The following FGF13 variants were observed in gnomAD, a reference collection of about 807,000 sequenced individuals.
FGF13 encodes the protein fibroblast growth factor 13.
A neutral mutation model predicts 19.5 loss-of-function variants in FGF13; 2 were observed. That is an observed-to-expected ratio of 0.10 (90% confidence interval 0.04 to 0.32). The LOEUF (loss-of-function observed/expected upper bound fraction) is 0.32, where lower values mean the gene tolerates loss of function less well. FGF13 is among the 10% of genes least tolerant of loss of function. The pLI is 1.00. For missense variants in FGF13, 113 were observed against 192.7 expected (o/e 0.59, Z 2.45); for synonymous variants, 72 against 76.9 (o/e 0.94, Z 0.33).
chrX:138,741,622 T>C (rs867178173), upstream of FGF13, among the ~76,000 whole-genome samples: 1 of 110,731 alleles, frequency 9.0e-6, no homozygotes, highest in African/African-American at 3.3e-5. Context: ...GAGTGGCTGG[T>C]CTTGGTCAGG....
intron 1 of FGF13, among the ~76,000 whole-genome samples, chrX:138,993,523 A>G (rs2092027839): frequency 1.8e-5 from 2 of 111,786 alleles, no homozygotes; most frequent in Admixed American, 1.9e-4. Flanking sequence ...TGCTTAATGA[A>G]AACGTATCTC....
chrX:139,005,350 T>C (rs2092096694), intron 1 of FGF13, among the ~76,000 whole-genome samples: 1 of 111,762 alleles, frequency 8.9e-6, no homozygotes, highest in East Asian at 2.8e-4. Flanking sequence ...TTCTAGAAGT[T>C]GGCAAGAACT....
At chrX:139,111,940 T>G (rs1252065369) in intron 1 of FGF13, among the ~76,000 whole-genome samples, 1 of 112,106 alleles carries the variant, frequency 8.9e-6, no homozygotes, top group Non-Finnish European at 1.9e-5. Flanking sequence ...GGGCTGTTTC[T>G]ATGTGGAAAA....
At position 138,885,702 on chromosome X, in the gene FGF13, C is replaced by T. The variant is rs181417126; in HGVS notation, c.-112-21052G>A. ...TCTTCTCCATGAGGGCTTCTCTAAC[C>T]CCCCCCGCCAATACTACCACCCATT... On this transcript the variant is annotated intron_variant, in intron 1 of 2. Transcript: ENST00000421460. Among the ~76,000 whole-genome samples, 235 of 107,589 alleles carry T rather than the reference C, an allele frequency of 2.2e-3. 2 individuals carry two copies. The highest frequency in any genetic ancestry group is 7.7e-3 in the African/African-American group (226 of 29,464). The allele number at this position is 107,589 out of a possible 115,157, so 93.4% of individuals were successfully genotyped here. A position where few individuals can be genotyped will look rare whatever the true frequency, so the allele number is the denominator to read the frequency against.
chrX:138,768,701 T>C (rs1229762160), intron 3 of FGF13, among the ~76,000 whole-genome samples: 1 of 98,752 alleles, frequency 1.0e-5, no homozygotes, highest in Non-Finnish European at 2.0e-5. Flanking sequence ...TAAGTATATA[T>C]TATATATATA....
chrX:138,715,131 C>T (rs2090089550), upstream of FGF13, among the ~76,000 whole-genome samples: 1 of 111,951 alleles, frequency 8.9e-6, no homozygotes, highest in Non-Finnish European at 1.9e-5. Flanking sequence ...CACGTGTCCG[C>T]TCTCCCATTG....
At chrX:138,851,868 A>C (rs186384480) in intron 3 of FGF13, among the ~76,000 whole-genome samples, 1 of 112,151 alleles carries the variant, frequency 8.9e-6, no homozygotes, top group East Asian at 2.8e-4. Context: ...ACTTCAGCAA[A>C]GTCTCAGGAT....
upstream of FGF13, among the ~76,000 whole-genome samples, chrX:138,712,428 CCT>C (rs1216155568): frequency 1.8e-5 from 2 of 111,378 alleles, no homozygotes; most frequent in Non-Finnish European, 3.8e-5. Context: ...CAGAGTCGAA[CCT>C]CTCTATTTAA....
intron 1 of FGF13, among the ~76,000 whole-genome samples, chrX:138,898,088 C>A (rs2091512929): frequency 9.0e-6 from 1 of 111,067 alleles, no homozygotes; most frequent in Non-Finnish European, 1.9e-5. Context: ...GGATCTTTCT[C>A]CCGCTACAAG....
At chrX:138,980,886 T>C (rs748320028) in intron 1 of FGF13, among the ~76,000 whole-genome samples, 1 of 110,871 alleles carries the variant, frequency 9.0e-6, no homozygotes, top group East Asian at 2.8e-4. Flanking sequence ...ACAGAGAAGA[T>C]AAATAGGAGG....
In FGF13 at chrX:138,627,375, C is replaced by T. The variant is rs1341830736; in HGVS notation, c.*5475G>A. The T allele has an allele frequency of 2.7e-5, 3 of 111,655 alleles. No homozygotes were observed. The highest frequency in any genetic ancestry group is 9.6e-5 in the Admixed American group (1 of 10,418). The allele number at this position is 111,655 out of a possible 1,213,427, so 9.2% of individuals were successfully genotyped here. A position where few individuals can be genotyped will look rare whatever the true frequency, so the allele number is the denominator to read the frequency against. ...ATTATTAAGAGCGTACACATTATTACAGTACAAAATATGTAGATATGCTAA... is the reference window on the plus strand; with the variant it reads ...ATTATTAAGAGCGTACACATTATTATAGTACAAAATATGTAGATATGCTAA... On this transcript the variant is annotated 3_prime_UTR_variant, in exon 5 of 5. Transcript: ENST00000315930.
At chrX:138,723,570 G>A (rs750417009) in intron 1 of FGF13, among the ~76,000 whole-genome samples, 2 of 111,197 alleles carry the variant, frequency 1.8e-5, no homozygotes, top group Admixed American at 1.9e-4. Context: ...GCGATGCGTG[G>A]AATTCATGAA....
chrX:139,175,947 T>C (rs754190953), intron 1 of FGF13, among the ~76,000 whole-genome samples: 3 of 111,948 alleles, frequency 2.7e-5, no homozygotes, highest in Admixed American at 9.5e-5. Flanking sequence ...CCTCTTTTTC[T>C]ATTGTTTGGA....
intron 1 of FGF13, among the ~76,000 whole-genome samples, chrX:139,164,106 T>TTTA (rs1234090758): frequency 4.7e-5 from 5 of 107,014 alleles, no homozygotes; most frequent in Non-Finnish European, 9.7e-5. Flanking sequence ...TTTTTTTTTT[T>TTTA]TTATTATTAT....
intron 1 of FGF13, among the ~76,000 whole-genome samples, chrX:139,055,480 C>T (rs988847108): frequency 1.2e-4 from 14 of 112,371 alleles, no homozygotes; most frequent in African/African-American, 3.2e-4. Context: ...GGGTGTGGCA[C>T]CCATGGAGTG....
chrX:138,865,913 C>G (rs993380768), intron 1 of FGF13, among the ~76,000 whole-genome samples: 1 of 111,558 alleles, frequency 9.0e-6, no homozygotes, highest in Non-Finnish European at 1.9e-5. Context: ...CCCTCCTTAC[C>G]AGCTCCCCAC....
chrX:138,893,595 T>G (rs1217177847), intron 1 of FGF13, among the ~76,000 whole-genome samples: 1 of 111,028 alleles, frequency 9.0e-6, no homozygotes. Context: ...AGTTGAGCTT[T>G]TTGTCCGAGA....
At chrX:139,101,622 T>C (rs903867799) in intron 1 of FGF13, among the ~76,000 whole-genome samples, 2 of 112,641 alleles carry the variant, frequency 1.8e-5, no homozygotes, top group South Asian at 3.7e-4. Flanking sequence ...ATATTAAATA[T>C]GTCTGCAATT....
chrX:138,952,847 T>G (rs1157371484), intron 1 of FGF13, among the ~76,000 whole-genome samples: 1 of 110,980 alleles, frequency 9.0e-6, no homozygotes, highest in Admixed American at 9.5e-5. Flanking sequence ...TCACTGGCCA[T>G]CAGAGAAATG....
Sources: allele counts gnomAD v4.1 joint callset (sites outside exome capture counted in the v4.1 genomes callset), GRCh38; gene constraint gnomAD v4.1.1; transcripts MANE v1.5; gene names NCBI Gene and HGNC (gene_info 2026-07-23, HGNC 2026-07-21).